The following FBXO38 variants were observed in gnomAD, a reference collection of about 807,000 sequenced individuals.
The protein encoded by FBXO38 is F-box protein 38, also known as F-box only protein 38.
Under a neutral mutation model 131.9 loss-of-function variants are expected in FBXO38, and 53 were observed. The ratio of observed to expected loss-of-function variants is 0.40; its 90% CI spans 0.32 to 0.51. The LOEUF is 0.51. Among genes scored for constraint, FBXO38 ranks in the 20% least tolerant of loss-of-function variants. The probability of loss-of-function intolerance (pLI) is 0.53; values close to 1 mark genes in which losing one functional copy is unlikely to be tolerated. For synonymous variants in FBXO38, 452 were observed against 505.6 expected (o/e 0.89, Z 1.42); for missense variants, 1,076 against 1,475.6 (o/e 0.73, Z 4.44).
intron 5 of FBXO38, among the ~76,000 whole-genome samples, chr5:148,403,225 C>T (rs1310587287): frequency 6.6e-6 from 1 of 152,012 alleles, no homozygotes; most frequent in African/African-American, 2.4e-5. Flanking sequence ...TCTACAATGC[C>T]TGTCACAGTT....
In FBXO38 at chr5:148,409,172, C is replaced by A; in HGVS notation, c.917C>A (p.Ala306Asp). The change falls in exon 8 of 22, where the codon GCT becomes GAT. Residue 306 changes from alanine to aspartate, a missense_variant. Coordinates refer to ENST00000340253, the MANE Select transcript of FBXO38 (RefSeq NM_205836.3). ...ATTGTTCTGGGAGCTTGCAAAAATG[C>A]TCTTGAAGTAGATCTTGGTTACCTC... ...HTIVLGACKNALEVDLGYLII... is the reference protein window; with the variant it reads ...HTIVLGACKNDLEVDLGYLII... 6.2e-7 allele frequency: 1 copy of A among 1,613,346 alleles called. No individual in the cohort carries two copies. The highest frequency in any genetic ancestry group is 8.5e-7 in the Non-Finnish European group (1 of 1,179,396).
rs60593654 is a variant in FBXO38, at chr5:148,393,188, GGTGTGTGTGTGTGT to G, written c.-63-1492_-63-1479del. On this transcript the variant is annotated intron_variant, in intron 1 of 21. Transcript: ENST00000340253. The stretch of plus-strand genomic sequence containing the variant: ...TACTGGTTAGAAACAACAGAAGAGG[GGTGTGTGTGTGTGT>G]GTGTGTGTGTGTGTGTGTGTGTGTG... Among the ~76,000 whole-genome samples, 19 of 127,034 alleles carry G rather than the reference GGTGTGTGTGTGTGT, an allele frequency of 1.5e-4. No individual in the cohort carries two copies. The South Asian group carries it at 2.0e-3, about 13-fold the overall frequency. 83.3% of individuals were successfully genotyped at this position (127,034 alleles called of 152,430 possible). A position where few individuals can be genotyped will look rare whatever the true frequency, so the allele number is the denominator to read the frequency against.
intron 17 of FBXO38, 78 bp from the exon 18 acceptor site, chr5:148,438,254 G>A: frequency 7.7e-7 from 1 of 1,296,440 alleles, no homozygotes; most frequent in South Asian, 1.4e-5. Flanking sequence ...TGTTACTGCA[G>A]TATTTTGTGC....
intron 14 of FBXO38, among the ~76,000 whole-genome samples, chr5:148,426,488 A>G (rs1245758647): frequency 6.6e-6 from 1 of 152,238 alleles, no homozygotes; most frequent in East Asian, 1.9e-4. Flanking sequence ...AGAAATTCAG[A>G]TAACTTTATA....
rs187564967 is a variant in FBXO38, at chr5:148,422,165, T to C, written c.1619-1833T>C. Among the ~76,000 whole-genome samples, 53 of 152,276 alleles carry C rather than the reference T, an allele frequency of 3.5e-4. No individual in the cohort carries two copies. The East Asian group carries it at 9.3e-3, about 27-fold the overall frequency. On this transcript the variant is annotated intron_variant, in intron 12 of 21. Transcript: ENST00000340253. ...TCTTTTAACAACAAACCAAACAATATTGATACCTTACTCAAAACTTTTTAA... is the reference window on the plus strand; with the variant it reads ...TCTTTTAACAACAAACCAAACAATACTGATACCTTACTCAAAACTTTTTAA...
At position 148,442,160 on chromosome 5, in the gene FBXO38, C is replaced by G; in HGVS notation, c.*13C>G. On this transcript the variant is annotated 3_prime_UTR_variant, in exon 22 of 22. Transcript: ENST00000340253. Reference sequence around the variant, plus strand: ...TGACTACATTTAATTGGTCCCTCCTCCTTTCCAGCTATTTTGTCAGAAAGC... The same window carrying G: ...TGACTACATTTAATTGGTCCCTCCTGCTTTCCAGCTATTTTGTCAGAAAGC... The G allele has an allele frequency of 1.2e-6, 2 of 1,610,766 alleles. No homozygotes were observed. The highest frequency in any genetic ancestry group is 2.2e-5 in the East Asian group (1 of 44,830).
In FBXO38 at chr5:148,416,134, ATT is replaced by A. The variant is rs376168098; in HGVS notation, c.1407+78_1407+79del. On this transcript the variant is annotated intron_variant, in intron 11 of 21. Transcript: ENST00000340253. ...GGAAAGAAAATAAAAACAGCCTGTG[ATT>A]TTTTTTTTTTTTTCTTTTCAATGAT... The A allele has an allele frequency of 3.3e-3, 3,868 of 1,183,674 alleles. 4 individuals carry two copies. Among genetic ancestry groups the A allele is most frequent in the African/African-American group, 0.018 (1,102 of 61,802 alleles). 73.3% of individuals were successfully genotyped at this position (1,183,674 alleles called of 1,614,324 possible). A position where few individuals can be genotyped will look rare whatever the true frequency, so the allele number is the denominator to read the frequency against.
intron 12 of FBXO38, among the ~76,000 whole-genome samples, chr5:148,417,753 T>G (rs1240739790): frequency 6.6e-6 from 1 of 152,204 alleles, no homozygotes; most frequent in Non-Finnish European, 1.5e-5. Context: ...ATACTTACGG[T>G]GTGCCAACCC....
chr5:148,424,851 A>G (rs1271543847), intron 13 of FBXO38, among the ~76,000 whole-genome samples: 2 of 151,684 alleles, frequency 1.3e-5, no homozygotes, highest in Non-Finnish European at 2.9e-5. Context: ...TGTGACAGGA[A>G]AAAAGCTAGG....
At chr5:148,389,291 G>C (rs544671666) in intron 1 of FBXO38, among the ~76,000 whole-genome samples, 133 of 152,296 alleles carry the variant, frequency 8.7e-4, no homozygotes, top group African/African-American at 3.1e-3. Context: ...GTGACACACA[G>C]ACATGAAGTG....
At chr5:148,414,388 T>C in intron 10 of FBXO38, 82 bp downstream of exon 10, 1 of 1,205,602 alleles carries the variant, frequency 8.3e-7, no homozygotes, top group African/African-American at 1.5e-5. Flanking sequence ...TGTGATATGA[T>C]TGCATTCCTA....
intron 2 of FBXO38, among the ~76,000 whole-genome samples, chr5:148,397,011 C>T (rs536886586): frequency 6.6e-6 from 1 of 152,234 alleles, no homozygotes; most frequent in East Asian, 1.9e-4. Flanking sequence ...ATGGTAGTTA[C>T]AGTGGAGAAA....
At chr5:148,386,812 A>G (rs1757937746) in intron 1 of FBXO38, among the ~76,000 whole-genome samples, 1 of 152,226 alleles carries the variant, frequency 6.6e-6, no homozygotes, top group Non-Finnish European at 1.5e-5. Context: ...CCCTGTGTAT[A>G]TAGAAGTTAT....
intron 5 of FBXO38, among the ~76,000 whole-genome samples, chr5:148,402,816 A>G (rs998877024): frequency 6.6e-6 from 1 of 152,182 alleles, no homozygotes; most frequent in African/African-American, 2.4e-5. Context: ...GGCTTAGGCC[A>G]CTGAAAGGAA....
intron 13 of FBXO38, 44 bp downstream of exon 13, chr5:148,424,161 G>A: frequency 6.3e-7 from 1 of 1,582,036 alleles, no homozygotes. Context: ...TGAAACTACG[G>A]CCTAACTGTA....
chr5:148,410,068 G>A (rs77325571), intron 8 of FBXO38, among the ~76,000 whole-genome samples: 4,494 of 152,212 alleles, frequency 0.03, 212 homozygotes, highest in African/African-American at 0.1. Context: ...CTTACACTTT[G>A]CAGATACTCC....
rs371915188 is a variant in FBXO38, at chr5:148,424,069, G to C, written c.1690G>C (p.Ala564Pro). The C allele has an allele frequency of 1.1e-5, 17 of 1,613,604 alleles. No individual in the cohort carries two copies. Among genetic ancestry groups the C allele is most frequent in the Non-Finnish European group, 1.4e-5 (17 of 1,179,660 alleles). ...GGCCGAGAGTGGAAATAATACTCCA[G>C]CTCACAGCCAGGCAATTATTCCTGT... ...VVAESGNNTP[A>P]HSQAIIPVDV... Residue 564 changes from alanine to proline, a missense_variant, in exon 13 of 22, where the codon GCT becomes CCT. Physicochemically the swap from Ala to Pro is conservative, Grantham distance 27 (BLOSUM62 -1). Coordinates refer to ENST00000340253, the MANE Select transcript of FBXO38 (RefSeq NM_205836.3).
At position 148,410,673 on chromosome 5, in the gene FBXO38, A is replaced by G. The variant is rs750041421; in HGVS notation, c.1001A>G (p.Asp334Gly). The change falls in exon 9 of 22, where the codon GAT (aspartate) becomes GGT (glycine). Residue 334 changes from aspartate to glycine, a missense_variant. Physicochemically the swap from Asp to Gly is moderately conservative, Grantham distance 94 (BLOSUM62 -1). Coordinates refer to ENST00000340253, the MANE Select transcript of FBXO38 (RefSeq NM_205836.3). The part of the protein sequence containing the change: ...EVRIQPSLTK[D>G]GVFSALKMAE... The stretch of plus-strand genomic sequence containing the variant: ...CGGATCCAGCCTTCCCTAACCAAAG[A>G]TGGTGTCTTTTCTGCCCTAAAGATG... The G allele has an allele frequency of 6.2e-7, 1 of 1,614,086 alleles. No individual in the cohort carries two copies. Among genetic ancestry groups the G allele is most frequent in the Non-Finnish European group, 8.5e-7 (1 of 1,179,982 alleles).
At chr5:148,388,861 A>G (rs1005012660) in intron 1 of FBXO38, among the ~76,000 whole-genome samples, 29 of 152,284 alleles carry the variant, frequency 1.9e-4, no homozygotes, top group South Asian at 1.0e-3. Context: ...TGTGTTCACA[A>G]CTTAGCTAAT....
Sources: gnomAD v4.1 joint callset for allele counts (sites outside exome capture counted in the v4.1 genomes callset) on GRCh38, gnomAD v4.1.1 for gene constraint, MANE v1.5 for transcripts, NCBI Gene and HGNC (gene_info 2026-07-23, HGNC 2026-07-21) for gene names.